Variants in FBXW2 observed in about 807,000 individuals in gnomAD.
The protein encoded by FBXW2 is F-box/WD repeat-containing protein 2.
Under a neutral mutation model 46.0 loss-of-function variants are expected in FBXW2, and 12 were observed. The ratio of observed to expected loss-of-function variants is 0.26; its 90% CI spans 0.17 to 0.42. The LOEUF (loss-of-function observed/expected upper bound fraction) is 0.42. Among genes scored for constraint, FBXW2 ranks in the 10% least tolerant of loss-of-function variants. FBXW2 has a pLI of 1.00. For missense variants in FBXW2, 360 were observed against 537.0 expected, an observed-to-expected ratio of 0.67 and a Z score of 3.26; for synonymous variants, 203 against 209.6, an observed-to-expected ratio of 0.97 and a Z score of 0.27.
intron 7 of FBXW2, among the ~76,000 whole-genome samples, chr9:120,768,646 C>T (rs2044317301): frequency 6.6e-6 from 1 of 152,018 alleles, no homozygotes; most frequent in Admixed American, 6.6e-5. Context: ...CAGGATGAAA[C>T]CCCATCGCTA....
intron 4 of FBXW2, 93 bp downstream of exon 4, chr9:120,778,258 T>C: frequency 8.9e-7 from 1 of 1,118,130 alleles, no homozygotes; most frequent in Non-Finnish European, 1.3e-6. Context: ...AAAAGCAGGT[T>C]AAATTAAAAA....
At chr9:120,788,394 G>T in intron 2 of FBXW2, 116 bp from the exon 3 acceptor site, 1 of 892,836 alleles carries the variant, frequency 1.1e-6, no homozygotes, top group Non-Finnish European at 1.7e-6. Flanking sequence ...AACTTTATGC[G>T]TAGTTACATT....
rs1256457180 is a variant in FBXW2 at position 120,764,534 on chromosome 9, C to A, written c.*25G>T. 10 of 1,595,152 alleles carry A rather than the reference C, an allele frequency of 6.3e-6. No individual in the cohort carries two copies. In the Admixed American group the frequency reaches 1.7e-4, roughly 27 times the overall value. ...AACCCGCAGCCCCGGCACCCAAAGTCAGTCAGCGGTGGTGGCTCATGGTGT... is the reference window on the plus strand; with the variant it reads ...AACCCGCAGCCCCGGCACCCAAAGTAAGTCAGCGGTGGTGGCTCATGGTGT... On this transcript the variant is annotated 3_prime_UTR_variant, in exon 8 of 8. Coordinates refer to ENST00000608872, the MANE Select transcript of FBXW2 (RefSeq NM_012164.4).
intron 4 of FBXW2, 59 bp downstream of exon 4, chr9:120,778,292 G>A: frequency 7.0e-7 from 1 of 1,424,876 alleles, no homozygotes; most frequent in South Asian, 1.4e-5. Flanking sequence ...CACATTCTTG[G>A]CTCCTGGCTT....
At chr9:120,782,068 G>C (rs1279837354) in intron 3 of FBXW2, among the ~76,000 whole-genome samples, 1 of 151,704 alleles carries the variant, frequency 6.6e-6, no homozygotes, top group Non-Finnish European at 1.5e-5. Context: ...TTATGATATG[G>C]AAGAACCTTG....
intron 7 of FBXW2, among the ~76,000 whole-genome samples, chr9:120,765,374 C>T (rs1004091313): frequency 7.9e-5 from 12 of 152,172 alleles, no homozygotes; most frequent in African/African-American, 2.7e-4. Context: ...GGATTACAGG[C>T]GTGAGCCACC....
rs1394289514 is a variant in FBXW2 at position 120,787,121 on chromosome 9, C to T, written c.490+648G>A. On this transcript the variant is annotated intron_variant, in intron 3 of 7. Transcript: ENST00000608872. ...TCAGCTCACTGGAACCTCCGCCTCC[C>T]GGGTTCAAGCGATTCTCCTGTTTCA... is the stretch of plus-strand genomic sequence containing the variant. Among the ~76,000 whole-genome samples the T allele has an allele frequency of 2.6e-5, 4 of 152,196 alleles. 1 individual carries two copies. The highest frequency in any genetic ancestry group is 4.1e-4 in the South Asian group (2 of 4,838).
intron 3 of FBXW2, among the ~76,000 whole-genome samples, chr9:120,785,135 A>T (rs1360014847): frequency 1.3e-5 from 2 of 151,444 alleles, no homozygotes; most frequent in Non-Finnish European, 2.9e-5. Context: ...CAGTCTCCCA[A>T]GTAGTTGGGA....
intron 7 of FBXW2, among the ~76,000 whole-genome samples, chr9:120,768,861 G>A (rs776981684): frequency 2.0e-5 from 3 of 152,008 alleles, no homozygotes; most frequent in Non-Finnish European, 4.4e-5. Flanking sequence ...AAGAGGCTAG[G>A]AAAAACAGCT....
In FBXW2 at chr9:120,792,900, A is replaced by T. The variant is rs1588056531; in HGVS notation, c.-21+249T>A. ...CCACATACACACCTGTTTTCATGGC[A>T]TACCCACAATTATGGCGCAGTATAG... On this transcript the variant is annotated intron_variant, in intron 2 of 7. Transcript: ENST00000608872. 5.3e-6 allele frequency: 8 copies of T among 1,523,418 alleles called. No individual in the cohort carries two copies. The East Asian group carries it at 2.0e-4, about 38-fold the overall frequency. 94.4% of individuals were successfully genotyped at this position (1,523,418 alleles called of 1,614,324 possible). A position where few individuals can be genotyped will look rare whatever the true frequency, so the allele number is the denominator to read the frequency against.
intron 2 of FBXW2, 68 bp downstream of exon 2, chr9:120,793,081 G>T: frequency 1.2e-6 from 1 of 864,870 alleles, no homozygotes; most frequent in South Asian, 1.5e-5. Context: ...CTAAAATCCA[G>T]ATCCCATCAA....
intron 6 of FBXW2, among the ~76,000 whole-genome samples, chr9:120,772,193 G>C (rs1206327589): frequency 6.6e-6 from 1 of 151,628 alleles, no homozygotes; most frequent in African/African-American, 2.4e-5. Flanking sequence ...TAGGAGATAT[G>C]TAAAAAAGTA....
chr9:120,782,123 T>C (rs944403622), intron 3 of FBXW2, among the ~76,000 whole-genome samples: 10 of 150,210 alleles, frequency 6.7e-5, no homozygotes, highest in African/African-American at 2.5e-4. Context: ...AAAGAACAAA[T>C]ACTGTATGAT....
intron 2 of FBXW2, among the ~76,000 whole-genome samples, chr9:120,791,110 T>G (rs2044830882): frequency 6.6e-6 from 1 of 152,222 alleles, no homozygotes; most frequent in African/African-American, 2.4e-5. Flanking sequence ...AATTTTTACT[T>G]TTCTGAACAG....
chr9:120,759,231 G>A lies in FBXW2; in HGVS notation c.*5328C>T, dbSNP rs1333536066. On this transcript the variant is annotated 3_prime_UTR_variant, in exon 8 of 8. Transcript: ENST00000608872. Reference sequence around the variant, plus strand: ...GGAAATGCAGCTTTATTACTTTCAAGTACAAACAATAACTTGGGCTTGGCT... The same window carrying A: ...GGAAATGCAGCTTTATTACTTTCAAATACAAACAATAACTTGGGCTTGGCT... 6.6e-6 allele frequency: 1 copy of A among 152,214 alleles called. No individual in the cohort carries two copies. Among genetic ancestry groups the A allele is most frequent in the Non-Finnish European group, 1.5e-5 (1 of 68,036 alleles). 9.4% of individuals were successfully genotyped at this position (152,214 alleles called of 1,614,324 possible). A position where few individuals can be genotyped will look rare whatever the true frequency, so the allele number is the denominator to read the frequency against.
intron 6 of FBXW2, among the ~76,000 whole-genome samples, chr9:120,772,428 G>A (rs1483641611): frequency 6.6e-6 from 1 of 152,146 alleles, no homozygotes; most frequent in Non-Finnish European, 1.5e-5. Context: ...AGGGGGCGGA[G>A]GTTGCAGTGA....
intron 3 of FBXW2, among the ~76,000 whole-genome samples, chr9:120,786,405 C>G (rs1361596917): frequency 6.6e-6 from 1 of 152,210 alleles, no homozygotes; most frequent in East Asian, 1.9e-4. Context: ...GCTTCCCCTT[C>G]GCCTTCCGCC....
intron 7 of FBXW2, among the ~76,000 whole-genome samples, chr9:120,766,392 T>C (rs1227607639): frequency 6.6e-6 from 1 of 152,194 alleles, no homozygotes; most frequent in Non-Finnish European, 1.5e-5. Context: ...ATGGGGGACA[T>C]TCAATATTTA....
At position 120,758,797 on chromosome 9, in the gene FBXW2, C is replaced by CGTAAGTTT. The variant is rs2044155882; in HGVS notation, c.*5754_*5761dup. 1 of 152,098 alleles carries CGTAAGTTT rather than the reference C, an allele frequency of 6.6e-6. No individual in the cohort carries two copies. 9.4% of individuals were successfully genotyped at this position (152,098 alleles called of 1,614,324 possible). A position where few individuals can be genotyped will look rare whatever the true frequency, so the allele number is the denominator to read the frequency against. On this transcript the variant is annotated 3_prime_UTR_variant, in exon 8 of 8. Transcript: ENST00000608872. ...GTGGTACTCAAATGACAAGAAGCCC[C>CGTAAGTTT]GTAAGTTTAAGTTAGTAAGAAAGAA...
Sources: allele counts gnomAD v4.1 joint callset (sites outside exome capture counted in the v4.1 genomes callset), GRCh38; gene constraint gnomAD v4.1.1; transcripts MANE v1.5; gene names NCBI Gene and HGNC (gene_info 2026-07-23, HGNC 2026-07-21).